ADARB2: variants seen among roughly 807,000 people sequenced by gnomAD.
ADARB2 encodes adenosine deaminase RNA specific B2 (inactive).
A neutral mutation model predicts 62.2 loss-of-function variants in ADARB2; 25 were observed. The ratio of observed to expected loss-of-function variants is 0.40; its 90% CI spans 0.29 to 0.56. The LOEUF (loss-of-function observed/expected upper bound fraction) is 0.56. Among genes scored for constraint, ADARB2 ranks in the 20% least tolerant of loss-of-function variants. The pLI, the probability that ADARB2 is intolerant of heterozygous loss-of-function variation, is 0.43. For missense variants in ADARB2, 1,071 were observed against 1,077.4 expected (o/e 0.99, Z 0.08); for synonymous variants, 572 against 500.8 (o/e 1.14, Z -1.90).
intron 1 of ADARB2, among the ~76,000 whole-genome samples, chr10:1,529,774 T>G (rs924267320): frequency 2.0e-5 from 3 of 152,188 alleles, no homozygotes; most frequent in African/African-American, 7.2e-5. Flanking sequence ...CTGCTGCATG[T>G]AGAGGGCAGA....
intron 1 of ADARB2, among the ~76,000 whole-genome samples, chr10:1,395,857 C>G (rs929776272): frequency 6.6e-6 from 1 of 152,212 alleles, no homozygotes; most frequent in Non-Finnish European, 1.5e-5. Context: ...GCCTTGCTGA[C>G]GCTTGCCCTT....
At chr10:1,423,796 G>A (rs1832871038) in intron 1 of ADARB2, among the ~76,000 whole-genome samples, 1 of 151,886 alleles carries the variant, frequency 6.6e-6, no homozygotes, top group African/African-American at 2.4e-5. Context: ...GGTCCACTAT[G>A]CATGCAGTAA....
intron 1 of ADARB2, among the ~76,000 whole-genome samples, chr10:1,581,628 TTAAG>T (rs1833100317): frequency 6.6e-6 from 1 of 152,210 alleles, no homozygotes; most frequent in South Asian, 2.1e-4. Flanking sequence ...TTTTTGAGTA[TTAAG>T]TGTGTGTGTG....
At chr10:1,308,303 C>T (rs1831650736) in intron 3 of ADARB2, among the ~76,000 whole-genome samples, 1 of 152,154 alleles carries the variant, frequency 6.6e-6, no homozygotes, top group African/African-American at 2.4e-5. Context: ...TTTCACTCAG[C>T]AATATGCATT....
chr10:1,679,662 C>G (rs7067871), intron 1 of ADARB2, among the ~76,000 whole-genome samples: 96,426 of 151,906 alleles, frequency 0.63, 30,729 homozygotes, highest in South Asian at 0.73. Context: ...AGAGCACTGT[C>G]CCCCAGGAGC....
chr10:1,696,573 G>A (rs1834748894), intron 1 of ADARB2, among the ~76,000 whole-genome samples: 1 of 152,208 alleles, frequency 6.6e-6, no homozygotes, highest in Admixed American at 6.5e-5. Flanking sequence ...TGTTATCAGA[G>A]GTGGTAGACA....
At chr10:1,610,770 ATGCACAGACACACATG>A (rs927253083) in intron 1 of ADARB2, among the ~76,000 whole-genome samples, 2 of 144,884 alleles carry the variant, frequency 1.4e-5, no homozygotes, top group African/African-American at 2.5e-5. Context: ...ACACACACAC[ATGCACAGACACACATG>A]TGCACAGGCA....
At chr10:1,315,288 C>T (rs1831728444) in intron 3 of ADARB2, among the ~76,000 whole-genome samples, 2 of 152,330 alleles carry the variant, frequency 1.3e-5, no homozygotes, top group East Asian at 1.9e-4. Flanking sequence ...GCTCCTGGGC[C>T]TCTGCATCAG....
chr10:1,516,137 C>T (rs867462387), intron 1 of ADARB2, among the ~76,000 whole-genome samples: 12 of 152,162 alleles, frequency 7.9e-5, no homozygotes, highest in African/African-American at 2.4e-5. Context: ...TGATACAGAC[C>T]GGGGTGCTCT....
chr10:1,579,011 G>A (rs1177232046), intron 1 of ADARB2, among the ~76,000 whole-genome samples: 1 of 152,200 alleles, frequency 6.6e-6, no homozygotes, highest in Non-Finnish European at 1.5e-5. Context: ...CAGGGCAGGA[G>A]GCAGGTGGAT....
chr10:1,535,384 CG>C (rs2131963696), intron 1 of ADARB2, among the ~76,000 whole-genome samples: 1 of 152,272 alleles, frequency 6.6e-6, no homozygotes, highest in African/African-American at 2.4e-5. Flanking sequence ...GCTGAGTTCT[CG>C]GTAAACACAA....
rs4314986 is a variant in ADARB2, at chr10:1,660,760, C to T, written c.100+76291G>A. On this transcript the variant is annotated intron_variant, in intron 1 of 9. Coordinates refer to ENST00000381312, the MANE Select transcript of ADARB2 (RefSeq NM_018702.4). Reference sequence around the variant, plus strand: ...CCCCAAAGTCTCTGAACTTTTGATCCGCACTGTGTCAGTATACGTCTGGCC... The same window carrying T: ...CCCCAAAGTCTCTGAACTTTTGATCTGCACTGTGTCAGTATACGTCTGGCC... 9.7e-3 allele frequency among the ~76,000 whole-genome samples: 1,477 copies of T among 152,264 alleles called. 36 individuals are homozygous for T. The highest frequency in any genetic ancestry group is 0.034 in the African/African-American group (1,392 of 41,546).
chr10:1,260,257 T>C (rs1380031222), intron 4 of ADARB2, among the ~76,000 whole-genome samples: 1 of 152,140 alleles, frequency 6.6e-6, no homozygotes, highest in African/African-American at 2.4e-5. Flanking sequence ...AGGGATGCCC[T>C]CTCTCACCAC....
At chr10:1,387,673 T>G (rs372091434) in intron 1 of ADARB2, among the ~76,000 whole-genome samples, 3 of 151,956 alleles carry the variant, frequency 2.0e-5, no homozygotes, top group African/African-American at 7.2e-5. Flanking sequence ...CAAGAAATAT[T>G]TAAAGAAGAA....
At position 1,183,280 on chromosome 10, in the gene ADARB2, C is replaced by G; in HGVS notation, c.2133G>C (p.Gln711His). Residue 711 changes from glutamine to histidine, a missense_variant, in exon 10 of 10, where the codon CAG (glutamine) becomes CAC (histidine). Coordinates refer to ENST00000381312, the MANE Select transcript of ADARB2 (RefSeq NM_018702.4). ...LGAHTYQSVK[Q>H]QLFKAFQKAG... ...CCTTCTGAAAGGCCTTGAACAGCTG[C>G]TGTTTCACAGACTGGTAGGTGTGCG... is the stretch of plus-strand genomic sequence containing the variant. 6.2e-7 allele frequency: 1 copy of G among 1,614,196 alleles called. No individual in the cohort carries two copies. The highest frequency in any genetic ancestry group is 1.1e-5 in the South Asian group (1 of 91,086).
intron 1 of ADARB2, among the ~76,000 whole-genome samples, chr10:1,406,843 C>T (rs546593097): frequency 2.0e-4 from 30 of 152,270 alleles, no homozygotes; most frequent in African/African-American, 6.7e-4. Context: ...CGAGGATTGC[C>T]GGCTTTCCTA....
intron 1 of ADARB2, among the ~76,000 whole-genome samples, chr10:1,414,583 G>A (rs1007260169): frequency 5.9e-5 from 9 of 152,192 alleles, no homozygotes; most frequent in East Asian, 1.9e-4. Context: ...TGTAAATCAC[G>A]TGCTTAATGC....
chr10:1,414,364 G>T (rs1185698058), intron 1 of ADARB2, among the ~76,000 whole-genome samples: 1 of 152,152 alleles, frequency 6.6e-6, no homozygotes, highest in African/African-American at 2.4e-5. Context: ...TGTGCTAAAG[G>T]GTGGAAGGCT....
intron 1 of ADARB2, among the ~76,000 whole-genome samples, chr10:1,723,939 G>A (rs972769356): frequency 6.6e-6 from 1 of 152,186 alleles, no homozygotes; most frequent in Admixed American, 6.5e-5. Context: ...TAGAGATAAT[G>A]TTTCTGGGAA....
Sources: allele counts gnomAD v4.1 joint callset (sites outside exome capture counted in the v4.1 genomes callset), GRCh38; gene constraint gnomAD v4.1.1; transcripts MANE v1.5; gene names NCBI Gene and HGNC (gene_info 2026-07-23, HGNC 2026-07-21).